DPP10: variants seen among roughly 807,000 people sequenced by gnomAD.
DPP10 encodes inactive dipeptidyl peptidase 10.
DPP10 carries 33 observed loss-of-function variants against 120.9 expected under a neutral mutation model. The ratio of observed to expected loss-of-function variants is 0.27; its 90% confidence interval spans 0.21 to 0.37. The LOEUF is 0.37. Among genes scored for constraint, DPP10 ranks in the 10% least tolerant of loss-of-function variants. The probability of loss-of-function intolerance (pLI) is 1.00; values close to 1 mark genes in which losing one functional copy is unlikely to be tolerated. For synonymous variants in DPP10, 337 were observed against 326.1 expected (o/e 1.03, Z -0.36); for missense variants, 816 against 942.8 (o/e 0.87, Z 1.76).
At chr2:114,931,901 A>G (rs532180366) in intron 1 of DPP10, among the ~76,000 whole-genome samples, 2 of 152,244 alleles carry the variant, frequency 1.3e-5, no homozygotes, top group African/African-American at 4.8e-5. Flanking sequence ...CAATTGTTGC[A>G]TGGGACATAA....
At chr2:115,022,333 T>C (rs560626950) in intron 1 of DPP10, among the ~76,000 whole-genome samples, 4 of 151,852 alleles carry the variant, frequency 2.6e-5, no homozygotes, top group African/African-American at 9.6e-5. Context: ...ACAAAATTAA[T>C]GTACGCGAAT....
chr2:114,548,776 C>T (rs1192888991), intron 1 of DPP10, among the ~76,000 whole-genome samples: 3 of 152,178 alleles, frequency 2.0e-5, no homozygotes, highest in Non-Finnish European at 4.4e-5. Context: ...TTTCTCTCCA[C>T]GCCTGAGTGT....
intron 1 of DPP10, among the ~76,000 whole-genome samples, chr2:114,939,390 A>T (rs1696730499): frequency 6.6e-6 from 1 of 152,032 alleles, no homozygotes; most frequent in African/African-American, 2.4e-5. Flanking sequence ...ATTATATACT[A>T]AATTTTTTAA....
chr2:115,431,734 C>T (rs113155707), intron 3 of DPP10, among the ~76,000 whole-genome samples: 10,419 of 152,104 alleles, frequency 0.068, 456 homozygotes, highest in Middle Eastern at 0.13. Context: ...GCCCCGAATG[C>T]ACACCCTTTG....
chr2:114,841,196 C>T (rs955952115), intron 1 of DPP10, among the ~76,000 whole-genome samples: 1 of 152,130 alleles, frequency 6.6e-6, no homozygotes, highest in Non-Finnish European at 1.5e-5. Context: ...TCAAAACTGT[C>T]GTATGACTAA....
At chr2:115,279,994 A>C (rs11690705) in intron 1 of DPP10, among the ~76,000 whole-genome samples, 1 of 151,932 alleles carries the variant, frequency 6.6e-6, no homozygotes, top group Non-Finnish European at 1.5e-5. Flanking sequence ...TCTTTCCTAC[A>C]CTGTTATGCC....
intron 1 of DPP10, among the ~76,000 whole-genome samples, chr2:114,770,983 T>A (rs1681197933): frequency 6.6e-6 from 1 of 152,228 alleles, no homozygotes; most frequent in Non-Finnish European, 1.5e-5. Flanking sequence ...TATTGTCAGA[T>A]ACACTAAAAC....
chr2:114,742,963 A>C (rs1375798693), intron 1 of DPP10, among the ~76,000 whole-genome samples: 1 of 152,216 alleles, frequency 6.6e-6, no homozygotes, highest in East Asian at 1.9e-4. Context: ...TGACAAATGC[A>C]TTGAGCTAAA....
At chr2:114,485,692 TC>T (rs1681455281) in intron 1 of DPP10, among the ~76,000 whole-genome samples, 1 of 152,030 alleles carries the variant, frequency 6.6e-6, no homozygotes, top group Non-Finnish European at 1.5e-5. Flanking sequence ...GCTCCTCTCT[TC>T]TTCAGCTATC....
intron 1 of DPP10, among the ~76,000 whole-genome samples, chr2:114,859,452 T>G (rs1468294573): frequency 6.6e-6 from 1 of 152,206 alleles, no homozygotes; most frequent in Non-Finnish European, 1.5e-5. Flanking sequence ...ATACCATAAT[T>G]TTGACAGATT....
chr2:115,541,559 A>C (rs140631332), intron 5 of DPP10, among the ~76,000 whole-genome samples: 6 of 152,016 alleles, frequency 3.9e-5, no homozygotes, highest in African/African-American at 1.4e-4. Context: ...TGTGGATGAG[A>C]TAATTGCATA....
chr2:115,361,353 G>A (rs1352181722), intron 3 of DPP10, among the ~76,000 whole-genome samples: 2 of 152,050 alleles, frequency 1.3e-5, no homozygotes. Flanking sequence ...TCTGCGGGAG[G>A]GCAAAGCAAT....
chr2:114,941,961 C>A (rs1696934060), intron 1 of DPP10, among the ~76,000 whole-genome samples: 2 of 151,954 alleles, frequency 1.3e-5, no homozygotes, highest in Admixed American at 6.6e-5. Context: ...CTGTTCTGAA[C>A]ATTTTGTCAG....
chr2:114,990,786 T>C (rs1023229618), intron 1 of DPP10, among the ~76,000 whole-genome samples: 1 of 152,180 alleles, frequency 6.6e-6, no homozygotes, highest in African/African-American at 2.4e-5. Flanking sequence ...ACTCCTTCTT[T>C]ATTTTCTTTG....
intron 2 of DPP10, among the ~76,000 whole-genome samples, chr2:115,328,470 C>T (rs1426333233): frequency 6.6e-6 from 1 of 151,988 alleles, no homozygotes; most frequent in East Asian, 1.9e-4. Flanking sequence ...TAATAATAGT[C>T]CTTCAGAACC....
chr2:114,447,532 A>T (rs1678012857), intron 1 of DPP10, among the ~76,000 whole-genome samples: 2 of 152,226 alleles, frequency 1.3e-5, no homozygotes, highest in African/African-American at 2.4e-5. Flanking sequence ...ATTACAGTAT[A>T]TGAAATTCTA....
At chr2:115,381,171 C>A (rs377733052) in intron 3 of DPP10, among the ~76,000 whole-genome samples, 22 of 152,162 alleles carry the variant, frequency 1.4e-4, no homozygotes, top group African/African-American at 5.3e-4. Context: ...TCCATTCTCC[C>A]CGTCACTTTC....
intron 1 of DPP10, among the ~76,000 whole-genome samples, chr2:114,730,611 T>A (rs901240063): frequency 3.3e-5 from 5 of 152,090 alleles, no homozygotes; most frequent in Non-Finnish European, 5.9e-5. Context: ...TGTTTGTTTG[T>A]CTGAGACAGT....
At chr2:115,041,629 A>G (rs1704652315) in intron 1 of DPP10, among the ~76,000 whole-genome samples, 1 of 152,060 alleles carries the variant, frequency 6.6e-6, no homozygotes, top group Non-Finnish European at 1.5e-5. Context: ...GTGTTTCCTT[A>G]TTCTTCCCTT....
Sources: allele counts gnomAD v4.1 joint callset (sites outside exome capture counted in the v4.1 genomes callset), GRCh38; gene constraint gnomAD v4.1.1; transcripts MANE v1.5; gene names NCBI Gene and HGNC (gene_info 2026-07-23, HGNC 2026-07-21).